The following TMEM131 variants were observed in gnomAD, a reference collection of about 807,000 sequenced individuals.
TMEM131 encodes the protein transmembrane protein 131.
Under a neutral mutation model 211.6 loss-of-function variants are expected in TMEM131, and 66 were observed. The observed-to-expected ratio is 0.31, with a 90% confidence interval of 0.26 to 0.38. The LOEUF (loss-of-function observed/expected upper bound fraction) is 0.38. TMEM131 is among the 10% of genes least tolerant of loss of function. The probability of loss-of-function intolerance (pLI) is 1.00; values close to 1 mark genes in which losing one functional copy is unlikely to be tolerated. For synonymous variants in TMEM131, 844 were observed against 841.3 expected (o/e 1.00, Z -0.06); for missense variants, 2,036 against 2,299.3 (o/e 0.89, Z 2.34).
At chr2:97,797,101 A>C in intron 26 of TMEM131, 115 bp from the exon 27 acceptor site, 1 of 1,164,578 alleles carries the variant, frequency 8.6e-7, no homozygotes, top group Non-Finnish European at 1.2e-6. Flanking sequence ...TTTAATGGTG[A>C]GAATTTATAC....
intron 1 of TMEM131, among the ~76,000 whole-genome samples, chr2:97,982,008 T>C (rs1465269549): frequency 6.6e-6 from 1 of 152,228 alleles, no homozygotes; most frequent in Non-Finnish European, 1.5e-5. Context: ...GCACAAGTTT[T>C]TATGTGCAAG....
chr2:97,982,197 ATC>A (rs2104646599), intron 1 of TMEM131, among the ~76,000 whole-genome samples: 1 of 152,218 alleles, frequency 6.6e-6, no homozygotes, highest in Non-Finnish European at 1.5e-5. Flanking sequence ...TTTATTATCC[ATC>A]TGTTTGATCG....
chr2:97,793,649 A>G (rs1680608104), intron 29 of TMEM131, 96 bp from the exon 30 acceptor site: 1 of 1,224,520 alleles, frequency 8.2e-7, no homozygotes, highest in South Asian at 1.6e-5. Context: ...GGTAAAGTAC[A>G]ATATGATGTA....
At position 97,797,578 on chromosome 2, in the gene TMEM131, G is replaced by A. The variant is rs894110943; in HGVS notation, c.2719-62C>T. On this transcript the variant is annotated intron_variant, in intron 25 of 40. Transcript: ENST00000186436. ...ATATTCTCTGGAAGAATGTTTCTTC[G>A]CTTACACCCCATCTAGAGCCCAGTA... is the stretch of plus-strand genomic sequence containing the variant. 1.1e-5 allele frequency: 16 copies of A among 1,414,316 alleles called. No homozygotes were observed. The Middle Eastern group carries it at 5.8e-4, about 52-fold the overall frequency. 87.6% of individuals were successfully genotyped at this position (1,414,316 alleles called of 1,614,324 possible). A position where few individuals can be genotyped will look rare whatever the true frequency, so the allele number is the denominator to read the frequency against.
Position 97,825,131 on chromosome 2 carries a change from G to T in TMEM131, c.1075-6410C>A, listed in dbSNP as rs558092002. On this transcript the variant is annotated intron_variant, in intron 11 of 40. Coordinates refer to ENST00000186436, the MANE Select transcript of TMEM131 (RefSeq NM_015348.2). ...ACTTATGTGGACGGTCTTATGCCAA[G>T]GGTTTAGGGATAGCCCTCATCTGTT... 2.5e-4 allele frequency among the ~76,000 whole-genome samples: 38 copies of T among 152,312 alleles called. 1 individual carries two copies. In the South Asian group the frequency reaches 7.9e-3, roughly 32 times the overall value.
chr2:97,881,579 G>A (rs1372865063), intron 4 of TMEM131, among the ~76,000 whole-genome samples: 2 of 151,722 alleles, frequency 1.3e-5, no homozygotes, highest in African/African-American at 4.8e-5. Context: ...TCCTGTTACA[G>A]AGTAAAACTG....
At chr2:97,954,497 A>T (rs1460575505) in intron 1 of TMEM131, among the ~76,000 whole-genome samples, 1 of 152,230 alleles carries the variant, frequency 6.6e-6, no homozygotes, top group East Asian at 1.9e-4. Flanking sequence ...CATTAAAGAC[A>T]GTGAATTTGT....
rs1378178253 is a variant in TMEM131, at chr2:97,871,564, T to A, written c.360-12137A>T. Among the ~76,000 whole-genome samples the A allele has an allele frequency of 2.0e-5, 3 of 152,298 alleles. No individual in the cohort carries two copies. The East Asian group carries it at 5.8e-4, about 29-fold the overall frequency. ...TGGTCTTTTGAGAGATCCTTTCAGA[T>A]GTTTGCATTTCTGACAACTGGCTGA... On this transcript the variant is annotated intron_variant, in intron 4 of 40. Coordinates refer to ENST00000186436, the MANE Select transcript of TMEM131 (RefSeq NM_015348.2).
chr2:97,874,094 C>T (rs1275790231), intron 4 of TMEM131, among the ~76,000 whole-genome samples: 1 of 151,882 alleles, frequency 6.6e-6, no homozygotes, highest in East Asian at 1.9e-4. Context: ...TTTCAACAGC[C>T]GAATTGGTCA....
chr2:97,923,628 TAAAAAAAAAAA>T (rs71386040), intron 2 of TMEM131, among the ~76,000 whole-genome samples: 2 of 30,188 alleles, frequency 6.6e-5, no homozygotes, highest in Non-Finnish European at 9.3e-5. Context: ...TCTTTTTTTT[TAAAAAAAAAAA>T]AAAAAAAAAA....
In TMEM131 at chr2:97,776,022, A is replaced by C. The variant is rs1171968561; in HGVS notation, c.4145-4T>G. The C allele has an allele frequency of 3.1e-6, 5 of 1,596,210 alleles. No individual in the cohort carries two copies. Among genetic ancestry groups the C allele is most frequent in the Non-Finnish European group, 4.3e-6 (5 of 1,174,948 alleles). ...CGCTGAAGAGGTTTTCCTTTCCCTG[A>C]GGATAAAAATTAAAGTAAAAGAACT... On this transcript the variant is annotated splice_region_variant and splice_polypyrimidine_tract_variant and intron_variant, in intron 31 of 40. Coordinates refer to ENST00000186436, the MANE Select transcript of TMEM131 (RefSeq NM_015348.2).
At chr2:97,956,229 G>T (rs984854407) in intron 1 of TMEM131, among the ~76,000 whole-genome samples, 5 of 152,146 alleles carry the variant, frequency 3.3e-5, no homozygotes, top group Non-Finnish European at 5.9e-5. Context: ...TTTGATACAA[G>T]TATGAAAATA....
intron 7 of TMEM131, among the ~76,000 whole-genome samples, chr2:97,838,142 A>G (rs1179029746): frequency 6.6e-6 from 1 of 152,228 alleles, no homozygotes; most frequent in African/African-American, 2.4e-5. Flanking sequence ...TCTGGCCATT[A>G]AAGAGAAAGC....
chr2:97,762,049 G>A lies in TMEM131; in HGVS notation c.4875C>T (p.Asn1625=). 1.9e-6 allele frequency: 3 copies of A among 1,575,558 alleles called. No individual in the cohort carries two copies. The highest frequency in any genetic ancestry group is 2.6e-6 in the Non-Finnish European group (3 of 1,166,172). Residue 1625 remains asparagine (N), a synonymous_variant, in exon 36 of 41, where the codon AAC becomes AAT. Coordinates refer to ENST00000186436, the MANE Select transcript of TMEM131 (RefSeq NM_015348.2). ...VARGSYSSIV[N]SSSSSDPKIK... ...AGCAGGCCTACCTGCTGGAGCTGCT[G>A]TTGACGATGCTGCTGTAGCTGCCCC... is the stretch of plus-strand genomic sequence containing the variant.
rs754554171 is a variant in TMEM131, at chr2:97,988,162, T to C, written c.187+7314A>G. Among the ~76,000 whole-genome samples, 57 of 152,164 alleles carry C rather than the reference T, an allele frequency of 3.7e-4. 2 individuals carry two copies. Among genetic ancestry groups the C allele is most frequent in the South Asian group, 2.1e-4 (1 of 4,826 alleles). On this transcript the variant is annotated intron_variant, in intron 1 of 40. Coordinates refer to ENST00000186436, the MANE Select transcript of TMEM131 (RefSeq NM_015348.2). ...GTCCAGAAATAAACCCTTGCATATA[T>C]AGCCAATTAATTTTCATACAAGGAC...
intron 19 of TMEM131, among the ~76,000 whole-genome samples, chr2:97,806,054 G>A (rs1681280801): frequency 6.6e-6 from 1 of 152,208 alleles, no homozygotes; most frequent in South Asian, 2.1e-4. Flanking sequence ...TTTCAGTTTG[G>A]TAAGCAAGGT....
chr2:97,965,459 G>A (rs904383352), intron 1 of TMEM131, among the ~76,000 whole-genome samples: 3 of 152,118 alleles, frequency 2.0e-5, no homozygotes, highest in Admixed American at 1.3e-4. Context: ...CTTTGTCTCC[G>A]CTGGACTCGG....
intron 4 of TMEM131, among the ~76,000 whole-genome samples, chr2:97,866,029 C>G (rs986539412): frequency 6.6e-6 from 1 of 152,020 alleles, no homozygotes. Flanking sequence ...ACTACAGGTG[C>G]CCACTAACAC....
intron 5 of TMEM131, 21 bp from the exon 6 acceptor site, chr2:97,844,282 A>G (rs1683325939): frequency 1.0e-6 from 1 of 969,758 alleles, no homozygotes; most frequent in Non-Finnish European, 1.4e-6. Flanking sequence ...AAATAAAGTT[A>G]AATTTGTAAC....
Sources: allele counts gnomAD v4.1 joint callset (sites outside exome capture counted in the v4.1 genomes callset), GRCh38; gene constraint gnomAD v4.1.1; transcripts MANE v1.5; gene names NCBI Gene and HGNC (gene_info 2026-07-23, HGNC 2026-07-21).